TRIO: variants seen among roughly 807,000 people sequenced by gnomAD.
TRIO encodes trio Rho guanine nucleotide exchange factor.
In TRIO, 58 loss-of-function variants were observed where a neutral mutation model predicts 351.9. The ratio of observed to expected loss-of-function variants is 0.16; its 90% CI spans 0.13 to 0.21. The LOEUF (loss-of-function observed/expected upper bound fraction) is 0.21. TRIO is among the 10% of genes least tolerant of loss of function. The pLI is 1.00. For missense variants in TRIO, 3,201 were observed against 4,027.8 expected, an observed-to-expected ratio of 0.79 and a Z score of 5.56; for synonymous variants, 1,758 against 1,595.7, an observed-to-expected ratio of 1.10 and a Z score of -2.42.
At chr5:14,170,547 C>T (rs924762871) in intron 1 of TRIO, among the ~76,000 whole-genome samples, 1 of 145,528 alleles carries the variant, frequency 6.9e-6, no homozygotes, top group Middle Eastern at 3.6e-3. Flanking sequence ...TGCTTTGTCG[C>T]CTAGCCTGGA....
At chr5:14,498,678 G>T (rs769072907) in intron 53 of TRIO, 38 bp downstream of exon 53, 7 of 1,598,940 alleles carry the variant, frequency 4.4e-6, no homozygotes, top group Non-Finnish European at 6.0e-6. Context: ...GTGACCCAGT[G>T]GGGCACGTCT....
At chr5:14,208,665 G>A (rs371429319) in intron 1 of TRIO, among the ~76,000 whole-genome samples, 2 of 152,350 alleles carry the variant, frequency 1.3e-5, no homozygotes, top group East Asian at 1.9e-4. Flanking sequence ...TAACTGAAGA[G>A]TATACTTTTG....
In TRIO at chr5:14,363,904, A is replaced by G. The variant is rs1406401723; in HGVS notation, c.2564A>G (p.Tyr855Cys). Residue 855 changes from tyrosine (Y) to cysteine (C), a missense_variant, in exon 14 of 57, where the codon TAT becomes TGT. By Grantham distance (194) the Tyr-to-Cys change is radical. Around this residue, in one of 19 missense-constraint regions of TRIO, gnomAD observed 363 missense variants for 553.5 expected, o/e 0.66. Transcript: ENST00000344204. ...VIHQGQDLLQ[Y>C]VNEVQASGVE... ...CACCAAGGGCAAGATCTTCTGCAGT[A>G]TGTCAATGAGGTCCAGGCCTCTGGT... 3.7e-6 allele frequency: 6 copies of G among 1,614,028 alleles called. No individual in the cohort carries two copies. The African/African-American group carries it at 4.0e-5, about 11-fold the overall frequency.
chr5:14,245,791 T>G lies in TRIO; in HGVS notation c.158-25034T>G, dbSNP rs187327840. On this transcript the variant is annotated intron_variant, in intron 1 of 56. Transcript: ENST00000344204. Reference sequence around the variant, plus strand: ...GCCCGTGCCACAGATCCAGAATAGCTGGTGACCCTGGTGTGCTGCCACCAT... The same window carrying G: ...GCCCGTGCCACAGATCCAGAATAGCGGGTGACCCTGGTGTGCTGCCACCAT... 2.5e-3 allele frequency among the ~76,000 whole-genome samples: 378 copies of G among 152,358 alleles called. 1 individual carries two copies. The highest frequency in any genetic ancestry group is 3.5e-3 in the Non-Finnish European group (239 of 68,028).
intron 4 of TRIO, among the ~76,000 whole-genome samples, chr5:14,287,700 C>T (rs534683147): frequency 1.2e-4 from 18 of 150,820 alleles, no homozygotes; most frequent in Admixed American, 4.6e-4. Flanking sequence ...ACAAGGCCTT[C>T]GGTGCAGTTA....
rs551606843 is a variant in TRIO, at chr5:14,154,615, G to A, written c.157+10733G>A. 2.6e-5 allele frequency among the ~76,000 whole-genome samples: 4 copies of A among 152,222 alleles called. No individual in the cohort carries two copies. In the East Asian group the frequency reaches 7.7e-4, roughly 29 times the overall value. ...CTCATGTGGTCCCCTCACAGTCAAT[G>A]GCATGATTTTATGGGATGCTTGCTC... On this transcript the variant is annotated intron_variant, in intron 1 of 56. Coordinates refer to ENST00000344204, the MANE Select transcript of TRIO (RefSeq NM_007118.4).
chr5:14,154,563 T>G (rs767132280), intron 1 of TRIO, among the ~76,000 whole-genome samples: 1 of 152,134 alleles, frequency 6.6e-6, no homozygotes, highest in Non-Finnish European at 1.5e-5. Context: ...CTGTTCTGTG[T>G]GTGGGTTGCG....
In TRIO at chr5:14,507,157, G is replaced by A. The variant is rs377385359; in HGVS notation, c.8648G>A (p.Arg2883Gln). 29 of 1,612,004 alleles carry A rather than the reference G, an allele frequency of 1.8e-5. No individual in the cohort carries two copies. Among genetic ancestry groups the A allele is most frequent in the South Asian group, 8.8e-5 (8 of 90,756 alleles). The change falls in exon 56 of 57, where the codon CGA becomes CAA. Residue 2883 changes from arginine to glutamine, a missense_variant. Arg to Gln is a conservative substitution (Grantham distance 43, BLOSUM62 1). Transcript: ENST00000344204. ...DQGRLLDCVV[R>Q]WGSLTEGKIR... is the part of the protein sequence containing the mutation. ...GGTCGCCTCCTGGACTGCGTGGTGC[G>A]ATGGGGAAGCCTCACTGAAGGGAAG...
chr5:14,257,241 A>G (rs1180394493), intron 1 of TRIO, among the ~76,000 whole-genome samples: 1 of 152,180 alleles, frequency 6.6e-6, no homozygotes, highest in Non-Finnish European at 1.5e-5. Flanking sequence ...CACCAGATCC[A>G]GGGGCCACTA....
chr5:14,166,205 C>T (rs892131969), intron 1 of TRIO, among the ~76,000 whole-genome samples: 7 of 152,256 alleles, frequency 4.6e-5, no homozygotes, highest in African/African-American at 9.6e-5. Context: ...GGGGGTAAGC[C>T]GTGCCTGGGG....
intron 26 of TRIO, 38 bp from the exon 27 acceptor site, chr5:14,390,863 T>G: frequency 6.4e-7 from 1 of 1,554,278 alleles, no homozygotes; most frequent in Non-Finnish European, 8.7e-7. Flanking sequence ...GTTGACTTGT[T>G]ATGATTTAAA....
chr5:14,396,094 A>G (rs1216109605), intron 28 of TRIO, among the ~76,000 whole-genome samples: 1 of 151,508 alleles, frequency 6.6e-6, no homozygotes, highest in Admixed American at 6.6e-5. Context: ...CAGAAGGTGA[A>G]CTTACTGTTC....
intron 34 of TRIO, chr5:14,440,747 G>A (rs1751962159): frequency 6.6e-6 from 1 of 152,168 alleles, no homozygotes; most frequent in Admixed American, 6.5e-5. Flanking sequence ...TGGTGTGTGA[G>A]TCTCAGGGCG....
intron 1 of TRIO, among the ~76,000 whole-genome samples, chr5:14,233,009 G>A (rs1793543623): frequency 6.6e-6 from 1 of 152,144 alleles, no homozygotes; most frequent in African/African-American, 2.4e-5. Context: ...ATGGTTGAGG[G>A]TGGGAAGTGC....
At chr5:14,366,113 C>G (rs1446142424) in intron 15 of TRIO, among the ~76,000 whole-genome samples, 3 of 152,052 alleles carry the variant, frequency 2.0e-5, no homozygotes, top group Non-Finnish European at 4.4e-5. Flanking sequence ...TAAGCCCTCT[C>G]TCAAAGTTGG....
intron 1 of TRIO, among the ~76,000 whole-genome samples, chr5:14,218,054 C>A (rs1792336577): frequency 6.6e-6 from 1 of 152,134 alleles, no homozygotes; most frequent in Admixed American, 6.5e-5. Flanking sequence ...AACTATAGTT[C>A]ATGTGTGTGT....
chr5:14,148,656 C>T (rs188248426), intron 1 of TRIO, among the ~76,000 whole-genome samples: 228 of 152,298 alleles, frequency 1.5e-3, no homozygotes, highest in African/African-American at 5.3e-3. Context: ...GAAATAGTAG[C>T]GACTCCCTGG....
chr5:14,356,440 A>G (rs1293960323), intron 11 of TRIO, among the ~76,000 whole-genome samples: 2 of 152,238 alleles, frequency 1.3e-5, no homozygotes, highest in African/African-American at 4.8e-5. Flanking sequence ...TATACCACTC[A>G]TTTAGAATGG....
At chr5:14,503,488 C>T (rs1757436383) in intron 54 of TRIO, among the ~76,000 whole-genome samples, 1 of 152,252 alleles carries the variant, frequency 6.6e-6, no homozygotes, top group African/African-American at 2.4e-5. Context: ...CTGGCCTGGT[C>T]AGCTGGTGCA....
Sources: gnomAD v4.1 joint callset for allele counts (sites outside exome capture counted in the v4.1 genomes callset) on GRCh38, gnomAD v4.1.1 for gene constraint, gnomAD v4.1.1 regional missense constraint, MANE v1.5 for transcripts, NCBI Gene and HGNC (gene_info 2026-07-23, HGNC 2026-07-21) for gene names.